JAKMIP2: variants seen among roughly 807,000 people sequenced by gnomAD.
JAKMIP2 encodes janus kinase and microtubule interacting protein 2, also known as janus kinase and microtubule-interacting protein 2.
JAKMIP2 carries 25 observed loss-of-function variants against 115.0 expected under a neutral mutation model. That is an observed-to-expected ratio of 0.22 (90% CI 0.16 to 0.30). JAKMIP2 has a LOEUF of 0.30. JAKMIP2 is among the 10% of genes least tolerant of loss of function. JAKMIP2 has a pLI of 1.00. For synonymous variants in JAKMIP2, 334 were observed against 343.6 expected (o/e 0.97, Z 0.31); for missense variants, 642 against 957.6 (o/e 0.67, Z 4.35).
chr5:147,736,494 T>C (rs2126982962), intron 1 of JAKMIP2, among the ~76,000 whole-genome samples: 1 of 152,214 alleles, frequency 6.6e-6, no homozygotes, highest in South Asian at 2.1e-4. Context: ...AATTAAACTT[T>C]TCTTTCAATC....
Position 147,692,734 on chromosome 5 carries a change from G to T in JAKMIP2, c.-148-20780C>A, listed in dbSNP as rs145623401. Among the ~76,000 whole-genome samples the T allele has an allele frequency of 8.1e-3, 1,235 of 152,196 alleles. 18 individuals are homozygous for T. Among genetic ancestry groups the T allele is most frequent in the African/African-American group, 0.028 (1,149 of 41,526 alleles). On this transcript the variant is annotated intron_variant, in intron 1 of 21. Coordinates refer to ENST00000616793, the MANE Select transcript of JAKMIP2 (RefSeq NM_001270941.2). ...AGTGCAGCACTTGTAATTTTGACCT[G>T]GGGACATGCGGAAACGGTCCATTTG...
chr5:147,659,439 G>A (rs560951378), intron 3 of JAKMIP2, among the ~76,000 whole-genome samples: 1 of 152,128 alleles, frequency 6.6e-6, no homozygotes, highest in Non-Finnish European at 1.5e-5. Context: ...CTTCTGCGTT[G>A]GTCTCGCTGG....
chr5:147,660,744 T>C (rs1312788008), intron 3 of JAKMIP2: 3 of 588,480 alleles, frequency 5.1e-6, no homozygotes, highest in Non-Finnish European at 5.9e-6. Context: ...TCTTACACTT[T>C]ACAATTTCAA....
chr5:147,737,233 G>A (rs1343409374), intron 1 of JAKMIP2, among the ~76,000 whole-genome samples: 2 of 152,110 alleles, frequency 1.3e-5, no homozygotes, highest in African/African-American at 2.4e-5. Context: ...TCTGTGCCCT[G>A]TTCTAGTCTT....
intron 2 of JAKMIP2, among the ~76,000 whole-genome samples, chr5:147,664,275 A>C (rs1290403034): frequency 1.3e-5 from 2 of 152,156 alleles, no homozygotes; most frequent in Non-Finnish European, 2.9e-5. Flanking sequence ...AGTAAAGCTC[A>C]GTTCTGGTTT....
chr5:147,674,052 A>G (rs961080183), intron 1 of JAKMIP2, among the ~76,000 whole-genome samples: 1 of 152,140 alleles, frequency 6.6e-6, no homozygotes, highest in African/African-American at 2.4e-5. Flanking sequence ...TTACTTATCA[A>G]ATCCACTTGA....
At chr5:147,711,057 A>G (rs990584885) in intron 1 of JAKMIP2, among the ~76,000 whole-genome samples, 1 of 152,230 alleles carries the variant, frequency 6.6e-6, no homozygotes. Flanking sequence ...GTAGTCTGCA[A>G]TAGTAGAGAC....
At position 147,617,917 on chromosome 5, in the gene JAKMIP2, G is replaced by T; in HGVS notation, c.2340C>A (p.Ala780=). The T allele has an allele frequency of 1.9e-6, 3 of 1,613,908 alleles. No homozygotes were observed. The highest frequency in any genetic ancestry group is 2.5e-6 in the Non-Finnish European group (3 of 1,179,850). Residue 780 remains alanine (A), a synonymous_variant, in exon 19 of 22, where the codon GCC becomes GCA. Coordinates refer to ENST00000616793, the MANE Select transcript of JAKMIP2 (RefSeq NM_001270941.2). ...GCAGTGACTCAGTCCTCACCTGATG[G>T]GCTTGCTGTAAGAGCTCCATTCTCT... ...LQERMELLQQ[A]HQRIRDLEDK... is the part of the protein sequence containing the mutation.
chr5:147,697,397 G>T (rs1190923865), intron 1 of JAKMIP2, among the ~76,000 whole-genome samples: 1 of 152,178 alleles, frequency 6.6e-6, no homozygotes, highest in South Asian at 2.1e-4. Context: ...AATTCTGGGA[G>T]ATAAAACTGA....
At chr5:147,657,920 T>G (rs1758760474) in intron 3 of JAKMIP2, among the ~76,000 whole-genome samples, 1 of 152,042 alleles carries the variant, frequency 6.6e-6, no homozygotes, top group South Asian at 2.1e-4. Context: ...TTTATCAAGG[T>G]TCTTAGCTTC....
chr5:147,691,754 T>C (rs1387042821), intron 1 of JAKMIP2, among the ~76,000 whole-genome samples: 1 of 152,004 alleles, frequency 6.6e-6, no homozygotes, highest in African/African-American at 2.4e-5. Flanking sequence ...TCAGTGGAGG[T>C]AGACCTGGAG....
rs199676287 is a variant in JAKMIP2 at position 147,623,224 on chromosome 5, C to CTTTTTTTTTTT, written c.2064+386_2064+396dup. Among the ~76,000 whole-genome samples, 519 of 138,596 alleles carry CTTTTTTTTTTT rather than the reference C, an allele frequency of 3.7e-3. 5 individuals are homozygous for CTTTTTTTTTTT. Among genetic ancestry groups the CTTTTTTTTTTT allele is most frequent in the African/African-American group, 0.013 (481 of 37,594 alleles). 90.9% of individuals were successfully genotyped at this position (138,596 alleles called of 152,430 possible). A position where few individuals can be genotyped will look rare whatever the true frequency, so the allele number is the denominator to read the frequency against. ...ACTGCACTAGGTCTTTTGTTCTACT[C>CTTTTTTTTTTT]TTTTTTTTTTTTTTTGATAAGAGTT... is the stretch of plus-strand genomic sequence containing the variant. On this transcript the variant is annotated intron_variant, in intron 17 of 21. Transcript: ENST00000616793.
In JAKMIP2 at chr5:147,629,731, C is replaced by A; in HGVS notation, c.1891G>T (p.Asp631Tyr). 6.2e-7 allele frequency: 1 copy of A among 1,612,342 alleles called. No individual in the cohort carries two copies. The change falls in exon 15 of 22, where the codon GAT becomes TAT. Residue 631 changes from aspartate (D) to tyrosine (Y), a missense_variant. Coordinates refer to ENST00000616793, the MANE Select transcript of JAKMIP2 (RefSeq NM_001270941.2). ...AAGATATCAAGCTGCTTTATGAGAT[C>A]AGGGATGTTCACATCCTGCAAAATC... ...KEGVKDVNIPDLIKQLDILGD... is the reference protein window; with the variant it reads ...KEGVKDVNIPYLIKQLDILGD...
At chr5:147,714,977 T>C (rs1464244793) in intron 1 of JAKMIP2, among the ~76,000 whole-genome samples, 1 of 152,126 alleles carries the variant, frequency 6.6e-6, no homozygotes, top group Non-Finnish European at 1.5e-5. Flanking sequence ...GAACATGGAT[T>C]ATTAACAATA....
At chr5:147,632,855 G>A in intron 12 of JAKMIP2, 77 bp from the exon 13 acceptor site, 2 of 842,680 alleles carry the variant, frequency 2.4e-6, no homozygotes, top group Non-Finnish European at 3.9e-6. Flanking sequence ...ATAGTGTTCA[G>A]TTTACTCAGT....
chr5:147,661,209 G>A lies in JAKMIP2; in HGVS notation c.366C>T (p.Arg122=), dbSNP rs1278665590. 2.5e-6 allele frequency: 4 copies of A among 1,613,840 alleles called. No individual in the cohort carries two copies. In the East Asian group the frequency reaches 6.7e-5, roughly 27 times the overall value. ...TCCTTACTTTGTCACTGCTGCCGTC[G>A]CGGAGAGCACAGAGAGCAGACTTGA... The part of the protein sequence containing the change: ...QRLKSALCAL[R]DGSSDKVRTA... Residue 122 remains arginine (R), a synonymous_variant, in exon 3 of 22, where the codon CGC becomes CGT. Coordinates refer to ENST00000616793, the MANE Select transcript of JAKMIP2 (RefSeq NM_001270941.2).
At chr5:147,603,460 G>A (rs546673591) in intron 20 of JAKMIP2, among the ~76,000 whole-genome samples, 78 of 152,150 alleles carry the variant, frequency 5.1e-4, no homozygotes, top group Non-Finnish European at 8.2e-4. Flanking sequence ...ACAATAAAGA[G>A]GGGATATTAC....
At chr5:147,681,460 T>C (rs1046288360) in intron 1 of JAKMIP2, among the ~76,000 whole-genome samples, 1 of 152,230 alleles carries the variant, frequency 6.6e-6, no homozygotes, top group African/African-American at 2.4e-5. Flanking sequence ...TTCATACCTC[T>C]TCACCATACC....
chr5:147,657,020 C>T (rs1758709620), intron 3 of JAKMIP2, among the ~76,000 whole-genome samples: 1 of 152,160 alleles, frequency 6.6e-6, no homozygotes, highest in Admixed American at 6.5e-5. Flanking sequence ...TGGCTCACAC[C>T]TGTAATCCCA....
Sources: allele counts gnomAD v4.1 joint callset (sites outside exome capture counted in the v4.1 genomes callset), GRCh38; gene constraint gnomAD v4.1.1; transcripts MANE v1.5; gene names NCBI Gene and HGNC (gene_info 2026-07-23, HGNC 2026-07-21).